The following GOLGA7 variants were observed in gnomAD, a reference collection of about 807,000 sequenced individuals.
GOLGA7 encodes the protein golgin A7.
A neutral mutation model predicts 21.1 loss-of-function variants in GOLGA7; 10 were observed. That is an observed-to-expected ratio of 0.47 (90% confidence interval 0.29 to 0.80). The LOEUF (loss-of-function observed/expected upper bound fraction) is 0.80. Among genes scored for constraint, GOLGA7 ranks in the 30% least tolerant of loss-of-function variants. GOLGA7 has a pLI of 0.08. For missense variants in GOLGA7, 114 were observed against 166.8 expected (o/e 0.68, Z 1.74); for synonymous variants, 64 against 62.6 (o/e 1.02, Z -0.10).
intron 3 of GOLGA7, among the ~76,000 whole-genome samples, chr8:41,506,692 T>C (rs1232265955): frequency 6.6e-6 from 1 of 152,126 alleles, no homozygotes; most frequent in African/African-American, 2.4e-5. Flanking sequence ...ATGAACCCTT[T>C]CCCAAGAAAA....
At chr8:41,503,049 A>G (rs1039935544) in intron 2 of GOLGA7, among the ~76,000 whole-genome samples, 5 of 152,018 alleles carry the variant, frequency 3.3e-5, no homozygotes, top group Non-Finnish European at 7.4e-5. Flanking sequence ...TTTTTATTTT[A>G]TTTTTATTTT....
At chr8:41,492,169 A>G (rs1027688578) in intron 1 of GOLGA7, among the ~76,000 whole-genome samples, 5 of 152,174 alleles carry the variant, frequency 3.3e-5, no homozygotes, top group African/African-American at 4.8e-5. Flanking sequence ...TGGTGAGGTG[A>G]CTTGTTTCTG....
chr8:41,507,046 C>A lies in GOLGA7; in HGVS notation c.367-13C>A, dbSNP rs374492897. Reference sequence around the variant, plus strand: ...GTCCTGTAGTGTGTTTTCTTAACAGCCATGCTGTTTAGATTGAAATTACCA... The same window carrying A: ...GTCCTGTAGTGTGTTTTCTTAACAGACATGCTGTTTAGATTGAAATTACCA... On this transcript the variant is annotated splice_polypyrimidine_tract_variant and intron_variant, in intron 3 of 4. Transcript: ENST00000357743. The A allele has an allele frequency of 3.8e-5, 48 of 1,258,880 alleles. No individual in the cohort carries two copies. In the South Asian group the frequency reaches 4.5e-4, roughly 12 times the overall value. The allele number at this position is 1,258,880 out of a possible 1,614,324, so 78.0% of individuals were successfully genotyped here. A position where few individuals can be genotyped will look rare whatever the true frequency, so the allele number is the denominator to read the frequency against.
chr8:41,506,660 A>T (rs1355630074), intron 3 of GOLGA7, among the ~76,000 whole-genome samples: 1 of 152,194 alleles, frequency 6.6e-6, no homozygotes, highest in Non-Finnish European at 1.5e-5. Context: ...CTGCAACAAT[A>T]GTTCTTAAAC....
chr8:41,496,804 C>CTTTTTTT lies in GOLGA7; in HGVS notation c.112-690_112-684dup, dbSNP rs34657481. Among the ~76,000 whole-genome samples the CTTTTTTT allele has an allele frequency of 2.9e-4, 27 of 91,652 alleles. 1 individual carries two copies. Among genetic ancestry groups the CTTTTTTT allele is most frequent in the Admixed American group, 3.2e-4 (2 of 6,206 alleles). 60.1% of individuals were successfully genotyped at this position (91,652 alleles called of 152,430 possible). A position where few individuals can be genotyped will look rare whatever the true frequency, so the allele number is the denominator to read the frequency against. On this transcript the variant is annotated intron_variant, in intron 1 of 4. Coordinates refer to ENST00000357743, the MANE Select transcript of GOLGA7 (RefSeq NM_001002296.2). ...ATGATAGTACCCTGTCAGTTTATTGCTTTTTTTTTTTTTTTTTTTTTGAGA... is the reference window on the plus strand; with the variant it reads ...ATGATAGTACCCTGTCAGTTTATTGCTTTTTTTTTTTTTTTTTTTTTTTTTTTTGAGA...
intron 2 of GOLGA7, among the ~76,000 whole-genome samples, chr8:41,497,935 T>C (rs989595103): frequency 2.9e-4 from 44 of 152,230 alleles, no homozygotes; most frequent in Admixed American, 2.8e-3. Context: ...CCTACTCAGC[T>C]TTCTGGGAAT....
intron 1 of GOLGA7, 47 bp from the exon 2 acceptor site, chr8:41,497,462 A>ATT: frequency 6.8e-6 from 7 of 1,028,246 alleles, no homozygotes; most frequent in South Asian, 3.5e-5. Context: ...GCATTAGTTG[A>ATT]TTTTTTTTTT....
At position 41,505,965 on chromosome 8, in the gene GOLGA7, C is replaced by T. The variant is rs748969594; in HGVS notation, c.319C>T (p.Pro107Ser). Residue 107 changes from proline to serine, a missense_variant, in exon 3 of 5, where the codon CCA becomes TCA. Coordinates refer to ENST00000357743, the MANE Select transcript of GOLGA7 (RefSeq NM_001002296.2). The part of the protein sequence containing the change: ...IQEQNEKIYA[P>S]QGLLLTDPIE... ...AGAGCAGAATGAGAAGATCTATGCT[C>T]CACAAGGCCTCCTCCTGACAGACCC... 5.0e-6 allele frequency: 8 copies of T among 1,604,806 alleles called. No individual in the cohort carries two copies. In the South Asian group the frequency reaches 5.5e-5, roughly 11 times the overall value.
rs764837924 is a variant in GOLGA7, at chr8:41,490,942, T to G, written c.88T>G (p.Phe30Val). ...CACACGCTGCCAGTTCCAGACCAAG[T>G]TCCCTGCGGAGCTGGAGAACCGGGT... Reference protein sequence around the residue: ...SGTRCQFQTKFPAELENRIDR... With the variant: ...SGTRCQFQTKVPAELENRIDR... The change falls in exon 1 of 5, where the codon TTC becomes GTC. Residue 30 changes from phenylalanine (F) to valine (V), a missense_variant. Phe to Val is a conservative substitution (Grantham distance 50). Coordinates refer to ENST00000357743, the MANE Select transcript of GOLGA7 (RefSeq NM_001002296.2). The G allele has an allele frequency of 1.9e-6, 3 of 1,582,240 alleles. No homozygotes were observed.
chr8:41,503,736 T>G (rs1806206599), intron 2 of GOLGA7, among the ~76,000 whole-genome samples: 2 of 111,176 alleles, frequency 1.8e-5, no homozygotes, highest in Non-Finnish European at 3.6e-5. Context: ...TATGCGGCAT[T>G]ATTTCTGAGG....
In GOLGA7 at chr8:41,509,604, C is replaced by T. The variant is rs1020216259; in HGVS notation, c.*36C>T. The T allele has an allele frequency of 2.6e-5, 4 of 152,622 alleles. No individual in the cohort carries two copies. The highest frequency in any genetic ancestry group is 7.2e-5 in the African/African-American group (3 of 41,446). The allele number at this position is 152,622 out of a possible 1,614,324, so 9.5% of individuals were successfully genotyped here. On this transcript the variant is annotated 3_prime_UTR_variant, in exon 5 of 5. Transcript: ENST00000357743. The stretch of plus-strand genomic sequence containing the variant: ...TACAGATCCCACTTCCAGCCGGGCC[C>T]CTCATGTATCCACTGGCCGACCGCA...
In GOLGA7 at chr8:41,509,579, T is replaced by C. The variant is rs1806370107; in HGVS notation, c.*16-5T>C. The C allele has an allele frequency of 6.6e-6, 1 of 152,656 alleles. No individual in the cohort carries two copies. Among genetic ancestry groups the C allele is most frequent in the Non-Finnish European group, 1.5e-5 (1 of 68,062 alleles). The allele number at this position is 152,656 out of a possible 1,614,324, so 9.5% of individuals were successfully genotyped here. A position where few individuals can be genotyped will look rare whatever the true frequency, so the allele number is the denominator to read the frequency against. ...TCAAACCTTTACTTCTCCCTCTAATTACAGATCCCACTTCCAGCCGGGCCC... is the reference window on the plus strand; with the variant it reads ...TCAAACCTTTACTTCTCCCTCTAATCACAGATCCCACTTCCAGCCGGGCCC... On this transcript the variant is annotated splice_polypyrimidine_tract_variant and splice_region_variant and intron_variant, in intron 4 of 4. Transcript: ENST00000357743.
chr8:41,490,538 G>T, upstream of GOLGA7: 1 of 353,444 alleles, frequency 2.8e-6, no homozygotes, highest in Non-Finnish European at 5.2e-6. Flanking sequence ...CGAGCTGAGG[G>T]GCGGGGAAGA....
At chr8:41,495,259 C>G (rs1282784372) in intron 1 of GOLGA7, among the ~76,000 whole-genome samples, 1 of 146,032 alleles carries the variant, frequency 6.8e-6, no homozygotes, top group Non-Finnish European at 1.5e-5. Flanking sequence ...AATAGTAGGG[C>G]TCATACTGTA....
intron 1 of GOLGA7, among the ~76,000 whole-genome samples, chr8:41,496,654 ATTT>A (rs767639104): frequency 7.5e-6 from 1 of 133,902 alleles, no homozygotes; most frequent in Non-Finnish European, 1.6e-5. Flanking sequence ...CTAAAATGCC[ATTT>A]TTTTTTTTTT....
chr8:41,507,108 C>T lies in GOLGA7; in HGVS notation c.*2C>T. On this transcript the variant is annotated 3_prime_UTR_variant, in exon 4 of 5. Coordinates refer to ENST00000357743, the MANE Select transcript of GOLGA7 (RefSeq NM_001002296.2). ...AGAGGCATGAGCAGTGGAAGATAAA[C>T]CGAAGAATTAAAGGTAAATATGAAA... 1 of 1,216,052 alleles carries T rather than the reference C, an allele frequency of 8.2e-7. No homozygotes were observed. Among genetic ancestry groups the T allele is most frequent in the Non-Finnish European group, 1.2e-6 (1 of 816,402 alleles). The allele number at this position is 1,216,052 out of a possible 1,614,324, so 75.3% of individuals were successfully genotyped here.
intron 2 of GOLGA7, among the ~76,000 whole-genome samples, chr8:41,504,801 A>G (rs936493412): frequency 6.6e-6 from 1 of 152,234 alleles, no homozygotes; most frequent in Non-Finnish European, 1.5e-5. Context: ...AAATCAGTTT[A>G]TACCAAAGCA....
At chr8:41,498,489 A>C (rs1205450191) in intron 2 of GOLGA7, among the ~76,000 whole-genome samples, 1 of 152,074 alleles carries the variant, frequency 6.6e-6, no homozygotes, top group African/African-American at 2.4e-5. Flanking sequence ...TTTCTCCCTC[A>C]GCCAAACTCC....
In GOLGA7 at chr8:41,507,042, A is replaced by G; in HGVS notation, c.367-17A>G. 1 of 1,225,566 alleles carries G rather than the reference A, an allele frequency of 8.2e-7. No individual in the cohort carries two copies. Among genetic ancestry groups the G allele is most frequent in the Non-Finnish European group, 1.2e-6 (1 of 825,200 alleles). 75.9% of individuals were successfully genotyped at this position (1,225,566 alleles called of 1,614,324 possible). On this transcript the variant is annotated splice_polypyrimidine_tract_variant and intron_variant, in intron 3 of 4. Transcript: ENST00000357743. ...TTGTGTCCTGTAGTGTGTTTTCTTAACAGCCATGCTGTTTAGATTGAAATT... is the reference window on the plus strand; with the variant it reads ...TTGTGTCCTGTAGTGTGTTTTCTTAGCAGCCATGCTGTTTAGATTGAAATT...
Sources: allele counts gnomAD v4.1 joint callset (sites outside exome capture counted in the v4.1 genomes callset), GRCh38; gene constraint gnomAD v4.1.1; transcripts MANE v1.5; gene names NCBI Gene and HGNC (gene_info 2026-07-23, HGNC 2026-07-21).